The following EFHB variants were observed in gnomAD, a reference collection of about 807,000 sequenced individuals.
EFHB encodes EF-hand domain-containing family member B.
EFHB carries 91 observed loss-of-function variants against 87.2 expected under a neutral mutation model. The ratio of observed to expected loss-of-function variants is 1.04; its 90% CI spans 0.88 to 1.24. The LOEUF is 1.24. Ranked by LOEUF, EFHB falls within the 50% of genes most tolerant of loss-of-function variation. The pLI, the probability that EFHB is intolerant of heterozygous loss-of-function variation, is 0.00. For synonymous variants in EFHB, 325 were observed against 333.6 expected, an observed-to-expected ratio of 0.97 and a Z score of 0.28; for missense variants, 1,084 against 998.8, an observed-to-expected ratio of 1.09 and a Z score of -1.15.
chr3:19,908,907 G>C (rs111226965), intron 5 of EFHB, among the ~76,000 whole-genome samples: 23 of 151,968 alleles, frequency 1.5e-4, no homozygotes, highest in Non-Finnish European at 2.4e-4. Flanking sequence ...TTTATTTAAT[G>C]ATTAATGATT....
At chr3:19,897,197 A>G (rs899973478) in intron 8 of EFHB, among the ~76,000 whole-genome samples, 4 of 152,240 alleles carry the variant, frequency 2.6e-5, no homozygotes, top group African/African-American at 9.6e-5. Flanking sequence ...TCTGAAAGCT[A>G]GGGCTGATTC....
chr3:19,940,371 G>A, intron 1 of EFHB: 1 of 401,458 alleles, frequency 2.5e-6, no homozygotes, highest in South Asian at 1.9e-5. Flanking sequence ...TTGTAATGAT[G>A]GGATTGCAGA....
At chr3:19,921,543 G>T (rs1265543135) in intron 1 of EFHB, among the ~76,000 whole-genome samples, 1 of 152,104 alleles carries the variant, frequency 6.6e-6, no homozygotes, top group African/African-American at 2.4e-5. Flanking sequence ...AATAAATTGA[G>T]AAAGTGTGTG....
At chr3:19,936,249 C>G, upstream of EFHB, 1 of 750,844 alleles carries the variant, frequency 1.3e-6, no homozygotes. Context: ...ATCTGAGAGG[C>G]TGAAGTGGGA....
At position 19,920,109 on chromosome 3, in the gene EFHB, T is replaced by C. The variant is rs375749241; in HGVS notation, c.853-133A>G. On this transcript the variant is annotated intron_variant, in intron 2 of 12. Transcript: ENST00000295824. ...ATGCATTTGGAACTACAGCCCCAAA[T>C]AATGAACATCCCCCTAAAATGTATT... is the stretch of plus-strand genomic sequence containing the variant. The C allele has an allele frequency of 6.2e-5, 55 of 889,386 alleles. 1 individual carries two copies. The highest frequency in any genetic ancestry group is 3.4e-4 in the Middle Eastern group (1 of 2,938). The allele number at this position is 889,386 out of a possible 1,614,324, so 55.1% of individuals were successfully genotyped here.
intron 1 of EFHB, among the ~76,000 whole-genome samples, chr3:19,930,307 C>T (rs1340186263): frequency 6.6e-6 from 1 of 152,126 alleles, no homozygotes; most frequent in African/African-American, 2.4e-5. Flanking sequence ...TAGAATCCCT[C>T]CTCTTGCCTA....
chr3:19,908,512 G>T (rs951463874), intron 5 of EFHB, among the ~76,000 whole-genome samples: 2 of 149,458 alleles, frequency 1.3e-5, no homozygotes, highest in Non-Finnish European at 3.0e-5. Context: ...CAGCCTGGAC[G>T]AAAGAGCAAA....
intron 5 of EFHB, among the ~76,000 whole-genome samples, chr3:19,906,429 A>G (rs1446915063): frequency 6.6e-6 from 1 of 152,236 alleles, no homozygotes; most frequent in Non-Finnish European, 1.5e-5. Flanking sequence ...CAACCTAGAC[A>G]AAAAAGAAAT....
chr3:19,897,430 GA>G (rs1337983904), intron 8 of EFHB, among the ~76,000 whole-genome samples: 6 of 152,082 alleles, frequency 3.9e-5, no homozygotes, highest in African/African-American at 1.4e-4. Context: ...ACCCCAACTA[GA>G]GTTGACCATG....
rs1418115876 is a variant in EFHB, at chr3:19,919,815, A to C, written c.996+18T>G. On this transcript the variant is annotated intron_variant, in intron 3 of 12. Transcript: ENST00000295824. ...TGGTAAATTAATAATGTACAAGGAA[A>C]AAAAGAAAATAACTTACCAGTACTG... 2 of 1,606,162 alleles carry C rather than the reference A, an allele frequency of 1.2e-6. No homozygotes were observed. Among genetic ancestry groups the C allele is most frequent in the Non-Finnish European group, 8.5e-7 (1 of 1,174,198 alleles).
chr3:19,915,798 C>T (rs535165916), intron 4 of EFHB, among the ~76,000 whole-genome samples: 51 of 151,156 alleles, frequency 3.4e-4, no homozygotes, highest in African/African-American at 3.4e-4. Context: ...CATGGTGAAA[C>T]GCCATCTCTA....
Position 19,933,935 on chromosome 3 carries a change from C to T in EFHB, c.84G>A (p.Met28Ile). 1 of 1,613,922 alleles carries T rather than the reference C, an allele frequency of 6.2e-7. No individual in the cohort carries two copies. The highest frequency in any genetic ancestry group is 8.5e-7 in the Non-Finnish European group (1 of 1,179,860). ...CTAATCCTACTCTGATCCCCAACTC[C>T]ATGGGAAATTTTGTTCCCATGATGA... ...KRVIMGTKFP[M>I]ELGIRVGLGK... is the part of the protein sequence containing the mutation. Residue 28 changes from methionine to isoleucine, a missense_variant, in exon 1 of 13, where the codon ATG (methionine) becomes ATA (isoleucine). Transcript: ENST00000295824.
At chr3:19,929,426 C>A (rs1488006165) in intron 1 of EFHB, among the ~76,000 whole-genome samples, 1 of 151,892 alleles carries the variant, frequency 6.6e-6, no homozygotes, top group Non-Finnish European at 1.5e-5. Flanking sequence ...ATTGGCTTGG[C>A]CAGGTGTGGT....
At chr3:19,888,419 C>T (rs1694183498) in intron 10 of EFHB, 25 bp downstream of exon 10, 6 of 1,249,976 alleles carry the variant, frequency 4.8e-6, no homozygotes, top group Admixed American at 3.2e-5. Flanking sequence ...AATAATAATT[C>T]ATCAAACCTT....
chr3:19,946,313 A>C (rs1043395946), intron 1 of EFHB: 1 of 152,278 alleles, frequency 6.6e-6, no homozygotes, highest in Non-Finnish European at 1.5e-5. Flanking sequence ...GGCTAGACAT[A>C]GATTTACAGC....
upstream of EFHB, chr3:19,936,476 A>C: frequency 2.2e-6 from 1 of 447,612 alleles, no homozygotes; most frequent in East Asian, 3.4e-5. Context: ...AGGTGGGAGG[A>C]TCACTTGAGC....
intron 1 of EFHB, among the ~76,000 whole-genome samples, chr3:19,930,632 G>A (rs1695796511): frequency 6.6e-6 from 1 of 152,082 alleles, no homozygotes; most frequent in Non-Finnish European, 1.5e-5. Flanking sequence ...TTAGAGACAG[G>A]ATCTCATTTT....
chr3:19,936,873 TAATAAATAAATAAATAAATA>T (rs71634883), upstream of EFHB, among the ~76,000 whole-genome samples: 16 of 136,688 alleles, frequency 1.2e-4, no homozygotes, highest in East Asian at 6.6e-4. Flanking sequence ...CATCTCAAAA[TAATAAATAAATAAATAAATA>T]AATAAATAAA....
At chr3:19,907,871 T>C (rs531166100) in intron 5 of EFHB, among the ~76,000 whole-genome samples, 5 of 152,292 alleles carry the variant, frequency 3.3e-5, no homozygotes, top group East Asian at 1.9e-4. Context: ...TATAATTGTC[T>C]CTTAGTTAAG....
Sources: gnomAD v4.1 joint callset for allele counts (sites outside exome capture counted in the v4.1 genomes callset) on GRCh38, gnomAD v4.1.1 for gene constraint, MANE v1.5 for transcripts, NCBI Gene and HGNC (gene_info 2026-07-23, HGNC 2026-07-21) for gene names.